P4HB: variants seen among roughly 807,000 people sequenced by gnomAD.
P4HB encodes protein disulfide-isomerase.
A neutral mutation model predicts 52.6 loss-of-function variants in P4HB; 20 were observed. The ratio of observed to expected loss-of-function variants is 0.38; its 90% CI spans 0.27 to 0.55. The LOEUF is 0.55. P4HB is among the 20% of genes least tolerant of loss of function. The probability of loss-of-function intolerance (pLI) is 0.74; values close to 1 mark genes in which losing one functional copy is unlikely to be tolerated. For missense variants in P4HB, 601 were observed against 669.2 expected (o/e 0.90, Z 1.12); for synonymous variants, 296 against 277.9 (o/e 1.07, Z -0.65).
intron 4 of P4HB, among the ~76,000 whole-genome samples, chr17:81,848,595 G>A (rs993688164): frequency 6.6e-6 from 1 of 151,860 alleles, no homozygotes; most frequent in African/African-American, 2.4e-5. Context: ...AATAAGCTGG[G>A]CGTGGTGGCG....
Position 81,860,228 on chromosome 17 carries a change from C to G in P4HB, c.145+99G>C, listed in dbSNP as rs2038977524. The G allele has an allele frequency of 5.8e-6, 6 of 1,038,912 alleles. No individual in the cohort carries two copies. The South Asian group carries it at 1.8e-4, about 31-fold the overall frequency. The allele number at this position is 1,038,912 out of a possible 1,614,324, so 64.4% of individuals were successfully genotyped here. A position where few individuals can be genotyped will look rare whatever the true frequency, so the allele number is the denominator to read the frequency against. ...GGGAGCCCTTCAGTTCCGGGCGCGC[C>G]GGGGGTCCCGACCCCGGGGGCTGCC... On this transcript the variant is annotated intron_variant, in intron 1 of 10. Coordinates refer to ENST00000331483, the MANE Select transcript of P4HB (RefSeq NM_000918.4).
chr17:81,860,429 C>A lies in P4HB; in HGVS notation c.43G>T (p.Val15Leu). ...ALLCLAVAAL[V>L]RADAPEEEDH... is the part of the protein sequence containing the mutation. Reference sequence around the variant, plus strand: ...TCCTCCTCGGGGGCGTCGGCGCGCACCAGGGCGGCCACGGCCAGGCACAGC... The same window carrying A: ...TCCTCCTCGGGGGCGTCGGCGCGCAACAGGGCGGCCACGGCCAGGCACAGC... The change falls in exon 1 of 11, where the codon GTG (valine) becomes TTG (leucine). Residue 15 changes from valine (V) to leucine (L), a missense_variant. Transcript: ENST00000331483. 1 of 1,416,288 alleles carries A rather than the reference C, an allele frequency of 7.1e-7. No individual in the cohort carries two copies. The allele number at this position is 1,416,288 out of a possible 1,614,324, so 87.7% of individuals were successfully genotyped here. A position where few individuals can be genotyped will look rare whatever the true frequency, so the allele number is the denominator to read the frequency against.
intron 9 of P4HB, 40 bp from the exon 10 acceptor site, chr17:81,845,270 C>A: frequency 6.6e-7 from 1 of 1,517,614 alleles, no homozygotes; most frequent in Non-Finnish European, 9.1e-7. Context: ...TGGTCCCGGC[C>A]CAGAGCCAAT....
Position 81,855,814 on chromosome 17 carries a change from G to C in P4HB, c.353-228C>G, listed in dbSNP as rs981976345. The C allele has an allele frequency of 3.1e-5, 15 of 488,866 alleles. No homozygotes were observed. In the Admixed American group the frequency reaches 3.8e-4, roughly 12 times the overall value. 30.3% of individuals were successfully genotyped at this position (488,866 alleles called of 1,614,324 possible). On this transcript the variant is annotated intron_variant, in intron 2 of 10. Transcript: ENST00000331483. The surrounding 1 kb of genome is among the most constrained non-coding windows in gnomAD (Gnocchi z 4.3). ...ATGGGGAGTGGAGAGGGAAGAGGGTGATTCTGTCTCTGAATAACAGGATCA... is the reference window on the plus strand; with the variant it reads ...ATGGGGAGTGGAGAGGGAAGAGGGTCATTCTGTCTCTGAATAACAGGATCA...
intron 5 of P4HB, 84 bp downstream of exon 5, chr17:81,847,159 G>A: frequency 6.3e-7 from 1 of 1,598,672 alleles, no homozygotes; most frequent in Non-Finnish European, 8.6e-7. Context: ...TCAGACGCTG[G>A]ACAGCAGTGG....
chr17:81,859,111 C>T, intron 2 of P4HB, 70 bp downstream of exon 2: 2 of 1,424,912 alleles, frequency 1.4e-6, no homozygotes, highest in Non-Finnish European at 2.0e-6. Flanking sequence ...CAGACAGCTG[C>T]CCCTGCCCTT....
intron 4 of P4HB, among the ~76,000 whole-genome samples, chr17:81,852,898 C>T (rs1691109997): frequency 6.6e-6 from 1 of 152,366 alleles, no homozygotes; most frequent in Non-Finnish European, 1.5e-5. Context: ...TGGAGAAAGT[C>T]TGCCCCAGAA....
At position 81,847,056 on chromosome 17, in the gene P4HB, A is replaced by G; in HGVS notation, c.746T>C (p.Phe249Ser). Residue 249 changes from phenylalanine to serine, a missense_variant, in exon 6 of 11, where the codon TTT becomes TCT. By Grantham distance (155) the Phe-to-Ser change is radical. Transcript: ENST00000331483. The part of the protein sequence containing the change: ...EFTEQTAPKI[F>S]GGEIKTHILL... ...GATGTGAGTCTTGATTTCACCTCCA[A>G]AAATCTTCGGGGCTGTCTGTGTTAT... is the stretch of plus-strand genomic sequence containing the variant. 1.9e-6 allele frequency: 3 copies of G among 1,614,068 alleles called. No homozygotes were observed. Among genetic ancestry groups the G allele is most frequent in the Non-Finnish European group, 1.7e-6 (2 of 1,180,024 alleles).
intron 10 of P4HB, 106 bp from the exon 11 acceptor site, chr17:81,844,198 C>T (rs982432040): frequency 9.6e-6 from 8 of 833,274 alleles, no homozygotes; most frequent in African/African-American, 5.0e-5. Context: ...CCGGCCACGG[C>T]GGACATGGCC....
At chr17:81,856,487 G>C (rs148446741) in intron 2 of P4HB, among the ~76,000 whole-genome samples, 4,956 of 151,524 alleles carry the variant, frequency 0.033, 282 homozygotes, top group African/African-American at 0.11. Flanking sequence ...ATAGGTGCCC[G>C]CCACCACACC....
At chr17:81,859,784 A>G (rs1022573891) in intron 1 of P4HB, 3 of 286,098 alleles carry the variant, frequency 1.0e-5, no homozygotes, top group African/African-American at 6.5e-5. Context: ...AGCTGTGAGT[A>G]TGAGATGCAC....
chr17:81,856,794 C>T (rs1008298735), intron 2 of P4HB, among the ~76,000 whole-genome samples: 8 of 151,218 alleles, frequency 5.3e-5, no homozygotes, highest in East Asian at 1.9e-4. Context: ...GTATTACAGG[C>T]GCCCGCCACC....
chr17:81,855,130 G>T lies in P4HB; in HGVS notation c.624+12C>A. On this transcript the variant is annotated intron_variant, in intron 4 of 10. Coordinates refer to ENST00000331483, the MANE Select transcript of P4HB (RefSeq NM_000918.4). This position sits in a 1 kb window ranked among gnomAD's most constrained non-coding sequence, Gnocchi z 4.3. Reference sequence around the variant, plus strand: ...AGAACTAACCTGGGCAGAGCTGCCTGGGGCCACTCACCTTCTTAAAGAGGA... The same window carrying T: ...AGAACTAACCTGGGCAGAGCTGCCTTGGGCCACTCACCTTCTTAAAGAGGA... 1 of 1,613,732 alleles carries T rather than the reference G, an allele frequency of 6.2e-7. No homozygotes were observed. The highest frequency in any genetic ancestry group is 8.5e-7 in the Non-Finnish European group (1 of 1,179,756).
At position 81,855,171 on chromosome 17, in the gene P4HB, C is replaced by A. The variant is rs199956742; in HGVS notation, c.595G>T (p.Asp199Tyr). ...NSDVFSKYQL[D>Y]KDGVVLFKKF... ...TTAAAGAGGACAACCCCATCTTTGT[C>A]GAGCTGGTATTTGGAGAACACGTCA... is the stretch of plus-strand genomic sequence containing the variant. Residue 199 changes from aspartate (D) to tyrosine (Y), a missense_variant, in exon 4 of 11, where the codon GAC (aspartate) becomes TAC (tyrosine). Coordinates refer to ENST00000331483, the MANE Select transcript of P4HB (RefSeq NM_000918.4). The surrounding 1 kb of genome is among the most constrained non-coding windows in gnomAD (Gnocchi z 4.3). The A allele has an allele frequency of 9.3e-6, 15 of 1,613,936 alleles. No individual in the cohort carries two copies. Among genetic ancestry groups the A allele is most frequent in the Non-Finnish European group, 1.3e-5 (15 of 1,180,002 alleles).
At chr17:81,857,705 C>CTT (rs1057330560) in intron 2 of P4HB, among the ~76,000 whole-genome samples, 5 of 152,190 alleles carry the variant, frequency 3.3e-5, no homozygotes, top group Non-Finnish European at 7.3e-5. Flanking sequence ...AGATGACACA[C>CTT]TTTTATGCCA....
In P4HB at chr17:81,855,229, G is replaced by A. The variant is rs745616353; in HGVS notation, c.537C>T (p.Ile179=). 8 of 1,613,716 alleles carry A rather than the reference G, an allele frequency of 5.0e-6. No individual in the cohort carries two copies. Among genetic ancestry groups the A allele is most frequent in the East Asian group, 2.2e-5 (1 of 44,898 alleles). The change falls in exon 4 of 11, where the codon ATC becomes ATT. Residue 179 remains isoleucine (I), a synonymous_variant. Transcript: ENST00000331483. This position sits in a 1 kb window ranked among gnomAD's most constrained non-coding sequence, Gnocchi z 4.3. ...AKQFLQAAEA[I]DDIPFGITSN... ...AAGTGATCCCAAATGGTATGTCATC[G>A]ATGGCCTCTGCTGCCTGCAAAAACT...
rs1334776674 is a variant in P4HB at position 81,859,260 on chromosome 17, G to C, written c.273C>G (p.Ala91=). ...KVDATEESDL[A]QQYGVRGYPT... Reference sequence around the variant, plus strand: ...GATAGCCGCGCACGCCGTACTGCTGGGCCAGGTCAGACTCCTCCGTGGCGT... The same window carrying C: ...GATAGCCGCGCACGCCGTACTGCTGCGCCAGGTCAGACTCCTCCGTGGCGT... Residue 91 remains alanine, a synonymous_variant, in exon 2 of 11, where the codon GCC becomes GCG. Coordinates refer to ENST00000331483, the MANE Select transcript of P4HB (RefSeq NM_000918.4). 6.2e-7 allele frequency: 1 copy of C among 1,613,836 alleles called. No homozygotes were observed. The highest frequency in any genetic ancestry group is 8.5e-7 in the Non-Finnish European group (1 of 1,180,012).
At chr17:81,851,223 C>T (rs928587046) in intron 4 of P4HB, among the ~76,000 whole-genome samples, 3 of 152,260 alleles carry the variant, frequency 2.0e-5, no homozygotes, top group Admixed American at 1.3e-4. Flanking sequence ...AGCCCCTGCA[C>T]CCGGCCTCCT....
rs149995643 is a variant in P4HB, at chr17:81,847,000, A to C, written c.802T>G (p.Tyr268Asp). Residue 268 changes from tyrosine to aspartate, a missense_variant, in exon 6 of 11, where the codon TAT becomes GAT. Coordinates refer to ENST00000331483, the MANE Select transcript of P4HB (RefSeq NM_000918.4). This position sits in a 1 kb window ranked among gnomAD's most constrained non-coding sequence, Gnocchi z 5.7. ...LLFLPKSVSDYDGKLSNFKTA... is the reference protein window; with the variant it reads ...LLFLPKSVSDDDGKLSNFKTA... Reference sequence around the variant, plus strand: ...TTGAAGTTGCTCAGTTTGCCGTCATAGTCAGACACACTCTTGGGCAAGAAC... The same window carrying C: ...TTGAAGTTGCTCAGTTTGCCGTCATCGTCAGACACACTCTTGGGCAAGAAC... 4.7e-5 allele frequency: 76 copies of C among 1,614,008 alleles called. No individual in the cohort carries two copies. Among genetic ancestry groups the C allele is most frequent in the Non-Finnish European group, 6.2e-5 (73 of 1,180,032 alleles).
Sources: allele counts gnomAD v4.1 joint callset (sites outside exome capture counted in the v4.1 genomes callset), GRCh38; gene constraint gnomAD v4.1.1; non-coding constraint Gnocchi (gnomAD v3.1); transcripts MANE v1.5; gene names NCBI Gene and HGNC (gene_info 2026-07-23, HGNC 2026-07-21).